The following SLC25A21 variants were observed in gnomAD, a reference collection of about 807,000 sequenced individuals.
SLC25A21 encodes the protein solute carrier family 25 member 21, also known as mitochondrial 2-oxodicarboxylate carrier.
In SLC25A21, 47 loss-of-function variants were observed where a neutral mutation model predicts 43.8. The ratio of observed to expected loss-of-function variants is 1.07; its 90% CI spans 0.85 to 1.37. The LOEUF (loss-of-function observed/expected upper bound fraction) is 1.37. Among genes scored for constraint, SLC25A21 ranks in the 40% most tolerant of loss-of-function variants. The pLI, the probability that SLC25A21 is intolerant of heterozygous loss-of-function variation, is 0.00. For synonymous variants in SLC25A21, 131 were observed against 121.3 expected (o/e 1.08, Z -0.52); for missense variants, 352 against 350.2 (o/e 1.00, Z -0.04).
intron 1 of SLC25A21, among the ~76,000 whole-genome samples, chr14:37,063,739 C>T (rs1002158529): frequency 1.3e-5 from 2 of 152,124 alleles, no homozygotes; most frequent in Non-Finnish European, 2.9e-5. Flanking sequence ...AAAAATCTCT[C>T]CCCAGAGAAT....
At chr14:37,126,318 C>A in intron 1 of SLC25A21, among the ~76,000 whole-genome samples, 1 of 152,036 alleles carries the variant, frequency 6.6e-6, no homozygotes, top group East Asian at 1.9e-4. Flanking sequence ...TTTACCAAAG[C>A]CACCAAAATG....
chr14:36,933,281 T>C (rs1892339402), intron 1 of SLC25A21, among the ~76,000 whole-genome samples: 1 of 152,110 alleles, frequency 6.6e-6, no homozygotes, highest in South Asian at 2.1e-4. Context: ...CTGACCCTTC[T>C]TGGATTTTTA....
chr14:36,754,118 G>A (rs1156282865), intron 3 of SLC25A21, among the ~76,000 whole-genome samples: 2 of 152,134 alleles, frequency 1.3e-5, no homozygotes, highest in Non-Finnish European at 2.9e-5. Flanking sequence ...TTGGTCAAAC[G>A]TTATTCTGAG....
chr14:36,693,691 T>A (rs1049302822), intron 7 of SLC25A21, among the ~76,000 whole-genome samples: 2 of 152,098 alleles, frequency 1.3e-5, no homozygotes, highest in Admixed American at 1.3e-4. Flanking sequence ...TGGAGTGCAG[T>A]GGTGCAATCT....
At chr14:36,747,686 G>A (rs1254850129) in intron 3 of SLC25A21, among the ~76,000 whole-genome samples, 2 of 152,170 alleles carry the variant, frequency 1.3e-5, no homozygotes, top group East Asian at 1.9e-4. Context: ...TGTTCCCCAA[G>A]TATAATTCAC....
chr14:37,138,673 C>T (rs1963522836), intron 1 of SLC25A21, among the ~76,000 whole-genome samples: 1 of 152,008 alleles, frequency 6.6e-6, no homozygotes, highest in African/African-American at 2.4e-5. Flanking sequence ...CCTCCAACTG[C>T]TAATTTTCCT....
chr14:36,844,319 T>A (rs1404812054), intron 2 of SLC25A21, among the ~76,000 whole-genome samples: 1 of 152,160 alleles, frequency 6.6e-6, no homozygotes, highest in Non-Finnish European at 1.5e-5. Flanking sequence ...TGTCTGACAA[T>A]TTGCTCCCAC....
chr14:36,713,504 G>A (rs756403357), intron 6 of SLC25A21, among the ~76,000 whole-genome samples: 5 of 152,048 alleles, frequency 3.3e-5, no homozygotes, highest in South Asian at 2.1e-4. Flanking sequence ...TGTTGAGTTC[G>A]GACTCTAGTT....
rs1388045230 is a variant in SLC25A21, at chr14:36,896,363, T to C, written c.71-21359A>G. Reference sequence around the variant, plus strand: ...TTTTGTCAGAGACTAGGATTGCAACTCCTGCCTTTTTTTGTTTTCCATTTG... The same window carrying C: ...TTTTGTCAGAGACTAGGATTGCAACCCCTGCCTTTTTTTGTTTTCCATTTG... On this transcript the variant is annotated intron_variant, in intron 1 of 9. Transcript: ENST00000331299. Among the ~76,000 whole-genome samples, 5 of 152,080 alleles carry C rather than the reference T, an allele frequency of 3.3e-5. No homozygotes were observed. In the South Asian group the frequency reaches 8.3e-4, roughly 25 times the overall value.
intron 3 of SLC25A21, among the ~76,000 whole-genome samples, chr14:36,735,928 CA>C (rs1319689369): frequency 9.2e-6 from 1 of 108,386 alleles, no homozygotes; most frequent in Non-Finnish European, 1.8e-5. Context: ...ATTCTGGCCA[CA>C]ATTTTTTTTT....
At chr14:36,919,103 G>A (rs189143138) in intron 1 of SLC25A21, among the ~76,000 whole-genome samples, 1 of 151,654 alleles carries the variant, frequency 6.6e-6, no homozygotes, top group East Asian at 1.9e-4. Context: ...ATGAATGAAT[G>A]AATGAATGAA....
chr14:36,875,984 C>T (rs572274102), intron 1 of SLC25A21, among the ~76,000 whole-genome samples: 6 of 152,116 alleles, frequency 3.9e-5, no homozygotes, highest in Non-Finnish European at 5.9e-5. Context: ...TTAACATACA[C>T]GGTCACTGAT....
At chr14:36,740,569 T>C (rs1383806219) in intron 3 of SLC25A21, among the ~76,000 whole-genome samples, 1 of 152,210 alleles carries the variant, frequency 6.6e-6, no homozygotes, top group Non-Finnish European at 1.5e-5. Context: ...ACATAGCTTA[T>C]TTGAAGTACA....
chr14:36,865,978 A>T (rs1890203123), intron 2 of SLC25A21, among the ~76,000 whole-genome samples: 2 of 152,160 alleles, frequency 1.3e-5, no homozygotes, highest in South Asian at 4.2e-4. Flanking sequence ...GGGGGTGAGA[A>T]GGATGACAGC....
intron 7 of SLC25A21, among the ~76,000 whole-genome samples, chr14:36,700,844 C>T (rs1883250228): frequency 6.6e-6 from 1 of 152,130 alleles, no homozygotes; most frequent in South Asian, 2.1e-4. Context: ...TGGTTAAGCA[C>T]CTGGTAGCAA....
chr14:36,813,319 T>C, intron 3 of SLC25A21, among the ~76,000 whole-genome samples: 1 of 152,200 alleles, frequency 6.6e-6, no homozygotes, highest in East Asian at 1.9e-4. Context: ...ACAAATATTC[T>C]ATTTATTTGA....
chr14:36,987,429 A>G (rs568088278), intron 1 of SLC25A21, among the ~76,000 whole-genome samples: 8 of 152,224 alleles, frequency 5.3e-5, no homozygotes, highest in Admixed American at 1.3e-4. Context: ...TAAATGTACA[A>G]AAAGTATAAA....
At chr14:37,006,413 A>T (rs117128514) in intron 1 of SLC25A21, among the ~76,000 whole-genome samples, 1 of 152,112 alleles carries the variant, frequency 6.6e-6, no homozygotes, top group Admixed American at 6.6e-5. Context: ...AAAATATTAT[A>T]TATGTATATA....
intron 2 of SLC25A21, among the ~76,000 whole-genome samples, chr14:36,874,119 A>C (rs886560493): frequency 1.3e-5 from 2 of 152,188 alleles, no homozygotes; most frequent in Admixed American, 1.3e-4. Context: ...CTGCCTTTTT[A>C]GGTAGAGTAA....
Sources: allele counts gnomAD v4.1 joint callset (sites outside exome capture counted in the v4.1 genomes callset), GRCh38; gene constraint gnomAD v4.1.1; transcripts MANE v1.5; gene names NCBI Gene and HGNC (gene_info 2026-07-23, HGNC 2026-07-21).